SYT10: variants seen among roughly 807,000 people sequenced by gnomAD.
The protein encoded by SYT10 is synaptotagmin 10, also known as synaptotagmin-10.
Under a neutral mutation model 51.1 loss-of-function variants are expected in SYT10, and 31 were observed. The observed-to-expected ratio is 0.61, with a 90% CI of 0.46 to 0.82. SYT10 has a LOEUF of 0.82. Among genes scored for constraint, SYT10 ranks in the 40% least tolerant of loss-of-function variants. SYT10 has a pLI of 0.00. For synonymous variants in SYT10, 233 were observed against 225.9 expected, an observed-to-expected ratio of 1.03 and a Z score of -0.28; for missense variants, 603 against 634.0, an observed-to-expected ratio of 0.95 and a Z score of 0.53.
intron 4 of SYT10, 135 bp from the exon 5 acceptor site, chr12:33,382,655 A>G: frequency 2.7e-6 from 2 of 739,136 alleles, no homozygotes; most frequent in Non-Finnish European, 3.8e-6. Flanking sequence ...CCAATTTTAA[A>G]TTTGTCTCCA....
At position 33,407,195 on chromosome 12, in the gene SYT10, T is replaced by G; in HGVS notation, c.671A>C (p.Asn224Thr). ...YKQKSVDSEG[N>T]QNEDVKICGK... The stretch of plus-strand genomic sequence containing the variant: ...ACAGATTTTGACATCTTCGTTTTGG[T>G]TGCCCTCAGAGTCAACTGATTTCTG... Residue 224 changes from asparagine (N) to threonine (T), a missense_variant, in exon 3 of 7, where the codon AAC becomes ACC. Asn to Thr is a moderately conservative substitution (Grantham distance 65). Coordinates refer to ENST00000228567, the MANE Select transcript of SYT10 (RefSeq NM_198992.4). 6.2e-7 allele frequency: 1 copy of G among 1,614,224 alleles called. No homozygotes were observed. Among genetic ancestry groups the G allele is most frequent in the Non-Finnish European group, 8.5e-7 (1 of 1,180,042 alleles).
At chr12:33,394,693 C>T (rs756790190) in intron 3 of SYT10, among the ~76,000 whole-genome samples, 10 of 152,134 alleles carry the variant, frequency 6.6e-5, no homozygotes, top group Non-Finnish European at 1.2e-4. Context: ...TTATTCTAAG[C>T]GATACAGCTA....
At position 33,439,668 on chromosome 12, in the gene SYT10, T is replaced by C; in HGVS notation, c.-146A>G. The C allele has an allele frequency of 1.0e-6, 1 of 985,854 alleles. No homozygotes were observed. Among genetic ancestry groups the C allele is most frequent in the Non-Finnish European group, 1.5e-6 (1 of 683,924 alleles). 61.1% of individuals were successfully genotyped at this position (985,854 alleles called of 1,614,324 possible). ...TTGCGCCGCTGAGAGCCGGCAACTC[T>C]TAGGAGCCCCACGTTGGCCCCATGG... On this transcript the variant is annotated 5_prime_UTR_variant, in exon 1 of 7. The change abolishes the stop of an existing upstream ORF in the 5' untranslated region. Coordinates refer to ENST00000228567, the MANE Select transcript of SYT10 (RefSeq NM_198992.4).
chr12:33,388,618 C>T (rs1310904888), intron 3 of SYT10, among the ~76,000 whole-genome samples: 2 of 152,076 alleles, frequency 1.3e-5, no homozygotes, highest in Non-Finnish European at 1.5e-5. Flanking sequence ...TAATTTATTT[C>T]GCTGAACAAT....
At position 33,422,943 on chromosome 12, in the gene SYT10, T is replaced by C. The variant is rs140848971; in HGVS notation, c.509+3195A>G. Among the ~76,000 whole-genome samples, 1,297 of 152,300 alleles carry C rather than the reference T, an allele frequency of 8.5e-3. 15 individuals carry two copies. Among genetic ancestry groups the C allele is most frequent in the Middle Eastern group, 0.017 (5 of 294 alleles). ...TAGAAAGAGTGAAAGATACGTTGAC[T>C]ATACCCAGGATTAAATATATGTTGA... is the stretch of plus-strand genomic sequence containing the variant. On this transcript the variant is annotated intron_variant, in intron 2 of 6. Coordinates refer to ENST00000228567, the MANE Select transcript of SYT10 (RefSeq NM_198992.4).
At chr12:33,435,873 T>C (rs1422871434) in intron 1 of SYT10, among the ~76,000 whole-genome samples, 1 of 152,218 alleles carries the variant, frequency 6.6e-6, no homozygotes, top group Non-Finnish European at 1.5e-5. Flanking sequence ...ATACCTACTT[T>C]TATCCCTACC....
intron 1 of SYT10, among the ~76,000 whole-genome samples, chr12:33,434,636 ACT>A (rs1241770515): frequency 1.3e-5 from 2 of 151,822 alleles, no homozygotes; most frequent in Non-Finnish European, 2.9e-5. Flanking sequence ...AAAACCCCCG[ACT>A]CTACTAAAAA....
Position 33,439,362 on chromosome 12 carries a change from T to A in SYT10, c.151+10A>T. The A allele has an allele frequency of 6.2e-7, 1 of 1,609,916 alleles. No homozygotes were observed. Among genetic ancestry groups the A allele is most frequent in the Non-Finnish European group, 8.5e-7 (1 of 1,178,190 alleles). On this transcript the variant is annotated intron_variant, in intron 1 of 6. Transcript: ENST00000228567. Reference sequence around the variant, plus strand: ...GAGCGCGAGGACGCGAGCGGAGCCCTCCCGGTTACCTGTGCTGCTTCCGCC... The same window carrying A: ...GAGCGCGAGGACGCGAGCGGAGCCCACCCGGTTACCTGTGCTGCTTCCGCC...
At chr12:33,432,370 A>T (rs1866604489) in intron 1 of SYT10, 1 of 152,120 alleles carries the variant, frequency 6.6e-6, no homozygotes, top group African/African-American at 2.4e-5. Flanking sequence ...TGAGTAAATT[A>T]TTTATAATTG....
intron 5 of SYT10, among the ~76,000 whole-genome samples, chr12:33,381,096 G>A (rs1194692750): frequency 6.6e-6 from 1 of 152,118 alleles, no homozygotes; most frequent in Non-Finnish European, 1.5e-5. Flanking sequence ...TTATTGCTGT[G>A]AGAAATCAAT....
At chr12:33,377,629 CT>C (rs375275079) in intron 6 of SYT10, among the ~76,000 whole-genome samples, 55 of 113,984 alleles carry the variant, frequency 4.8e-4, no homozygotes, top group Non-Finnish European at 4.7e-4. Context: ...TTTTCTTTTT[CT>C]TTTTTTTTTT....
At chr12:33,379,003 ATTTCCCTT>A (rs1866090424) in intron 6 of SYT10, among the ~76,000 whole-genome samples, 1 of 152,132 alleles carries the variant, frequency 6.6e-6, no homozygotes, top group African/African-American at 2.4e-5. Flanking sequence ...TGTTCATCCT[ATTTCCCTT>A]AACACGTCCT....
intron 2 of SYT10, among the ~76,000 whole-genome samples, chr12:33,419,800 C>T (rs1173733579): frequency 6.6e-6 from 1 of 152,126 alleles, no homozygotes; most frequent in Non-Finnish European, 1.5e-5. Context: ...AGCTTCTGAT[C>T]TACAGATAAC....
rs1197910406 is a variant in SYT10, at chr12:33,439,792, C to T, written c.-270G>A. 4.3e-6 allele frequency: 2 copies of T among 464,668 alleles called. No homozygotes were observed. Among genetic ancestry groups the T allele is most frequent in the Non-Finnish European group, 7.7e-6 (2 of 260,566 alleles). 28.8% of individuals were successfully genotyped at this position (464,668 alleles called of 1,614,324 possible). On this transcript the variant is annotated 5_prime_UTR_variant, in exon 1 of 7. Coordinates refer to ENST00000228567, the MANE Select transcript of SYT10 (RefSeq NM_198992.4). ...CCCGCCGCGCGAGCGAGCCGAGGCG[C>T]GCTGGAACTAGAGACCCGGCATGGA...
intron 4 of SYT10, among the ~76,000 whole-genome samples, 164 bp from the exon 5 acceptor site, chr12:33,382,684 G>C (rs1314540831): frequency 6.6e-6 from 1 of 152,116 alleles, no homozygotes; most frequent in African/African-American, 2.4e-5. Context: ...AGTAATTGTA[G>C]TAAGGTTAGT....
intron 3 of SYT10, among the ~76,000 whole-genome samples, chr12:33,390,379 G>T (rs1475495409): frequency 6.6e-6 from 1 of 152,136 alleles, no homozygotes; most frequent in Non-Finnish European, 1.5e-5. Flanking sequence ...TCATTTATAC[G>T]ATCTTCTGGC....
intron 3 of SYT10, among the ~76,000 whole-genome samples, chr12:33,390,766 T>C (rs762340551): frequency 1.3e-5 from 2 of 152,214 alleles, no homozygotes; most frequent in African/African-American, 2.4e-5. Context: ...AGCACTCTTC[T>C]AGTCATTGAA....
rs1236012302 is a variant in SYT10, at chr12:33,407,211, C to T, written c.655G>A (p.Val219Ile). The T allele has an allele frequency of 1.2e-6, 2 of 1,614,148 alleles. No homozygotes were observed. The highest frequency in any genetic ancestry group is 1.7e-6 in the Non-Finnish European group (2 of 1,180,034). ...IKPELYKQKS[V>I]DSEGNQNEDV... ...TCGTTTTGGTTGCCCTCAGAGTCAACTGATTTCTGTTTGTAGAGTTCTGGC... is the reference window on the plus strand; with the variant it reads ...TCGTTTTGGTTGCCCTCAGAGTCAATTGATTTCTGTTTGTAGAGTTCTGGC... The change falls in exon 3 of 7, where the codon GTT (valine) becomes ATT (isoleucine). Residue 219 changes from valine to isoleucine, a missense_variant. Coordinates refer to ENST00000228567, the MANE Select transcript of SYT10 (RefSeq NM_198992.4).
rs905817071 is a variant in SYT10, at chr12:33,422,499, T to C, written c.509+3639A>G. Among the ~76,000 whole-genome samples, 3 of 152,132 alleles carry C rather than the reference T, an allele frequency of 2.0e-5. No homozygotes were observed. In the East Asian group the frequency reaches 5.8e-4, roughly 29 times the overall value. ...CAGAACTCCTCTGCTACAAATATTTTTTTTTGACAAGAGAGACTCTGAACA... is the reference window on the plus strand; with the variant it reads ...CAGAACTCCTCTGCTACAAATATTTCTTTTTGACAAGAGAGACTCTGAACA... On this transcript the variant is annotated intron_variant, in intron 2 of 6. Coordinates refer to ENST00000228567, the MANE Select transcript of SYT10 (RefSeq NM_198992.4).
Sources: gnomAD v4.1 joint callset for allele counts (sites outside exome capture counted in the v4.1 genomes callset) on GRCh38, gnomAD v4.1.1 for gene constraint, MANE v1.5 for transcripts, NCBI Gene and HGNC (gene_info 2026-07-23, HGNC 2026-07-21) for gene names.